The following SUGCT variants were observed in gnomAD, a reference collection of about 807,000 sequenced individuals.
The protein encoded by SUGCT is succinyl-CoA:glutarate CoA-transferase.
A neutral mutation model predicts 55.0 loss-of-function variants in SUGCT; 41 were observed. That is an observed-to-expected ratio of 0.74 (90% confidence interval 0.58 to 0.97). The LOEUF is 0.97. SUGCT is among the 50% of genes least tolerant of loss of function. The probability of loss-of-function intolerance (pLI) is 0.00; values close to 1 mark genes in which losing one functional copy is unlikely to be tolerated. For synonymous variants in SUGCT, 187 were observed against 200.4 expected (o/e 0.93, Z 0.56); for missense variants, 568 against 547.8 (o/e 1.04, Z -0.37).
rs112970972 is a variant in SUGCT, at chr7:40,170,132, A to G, written c.101-10815A>G. 5.5e-3 allele frequency among the ~76,000 whole-genome samples: 833 copies of G among 152,226 alleles called. 11 individuals carry two copies. The highest frequency in any genetic ancestry group is 0.018 in the African/African-American group (765 of 41,530). On this transcript the variant is annotated intron_variant, in intron 1 of 13. Coordinates refer to ENST00000335693, the MANE Select transcript of SUGCT (RefSeq NM_001193313.2). ...CTCCATGTTCTGATTCTGTGTCCCA[A>G]TGAGGGTCTACAGTGGGAACTGCCT...
chr7:40,240,820 C>T (rs1789331605), intron 7 of SUGCT, among the ~76,000 whole-genome samples: 1 of 152,158 alleles, frequency 6.6e-6, no homozygotes, highest in Non-Finnish European at 1.5e-5. Flanking sequence ...CGCGGTGGAG[C>T]CCAAGTTTAT....
At chr7:40,282,447 G>A (rs1336610069) in intron 8 of SUGCT, among the ~76,000 whole-genome samples, 3 of 151,948 alleles carry the variant, frequency 2.0e-5, no homozygotes, top group Non-Finnish European at 2.9e-5. Flanking sequence ...TAGCCTGGGT[G>A]ACAGAGCTAG....
chr7:40,702,664 T>C (rs1216480778), intron 12 of SUGCT, among the ~76,000 whole-genome samples: 2 of 152,354 alleles, frequency 1.3e-5, no homozygotes, highest in South Asian at 2.1e-4. Flanking sequence ...TTCAGTTTCA[T>C]AGTGATCCAT....
chr7:40,592,423 T>A (rs952341141), intron 12 of SUGCT, among the ~76,000 whole-genome samples: 1 of 152,176 alleles, frequency 6.6e-6, no homozygotes, highest in African/African-American at 2.4e-5. Context: ...CGGTTGACTG[T>A]CTGGGTCTGC....
intron 9 of SUGCT, among the ~76,000 whole-genome samples, chr7:40,318,057 T>A (rs1795532167): frequency 6.6e-6 from 1 of 152,242 alleles, no homozygotes; most frequent in South Asian, 2.1e-4. Context: ...CCTATACTTC[T>A]AACCAGACCT....
At chr7:40,200,663 CA>C (rs1786539470) in intron 6 of SUGCT, among the ~76,000 whole-genome samples, 1 of 151,900 alleles carries the variant, frequency 6.6e-6, no homozygotes, top group Non-Finnish European at 1.5e-5. Context: ...GGGGCCATGA[CA>C]TGCTAGGATG....
intron 7 of SUGCT, among the ~76,000 whole-genome samples, chr7:40,261,525 C>T (rs1225398106): frequency 2.6e-5 from 4 of 152,108 alleles, no homozygotes; most frequent in African/African-American, 4.8e-5. Context: ...TAGACAAACA[C>T]GGAGGAAACA....
chr7:40,758,999 G>GA (rs1160042576), intron 13 of SUGCT, among the ~76,000 whole-genome samples: 2 of 152,050 alleles, frequency 1.3e-5, no homozygotes, highest in East Asian at 3.9e-4. Flanking sequence ...AATTAAAAAT[G>GA]AAAAAAATTA....
At chr7:40,153,328 T>C (rs1430759886) in intron 1 of SUGCT, 3 of 364,420 alleles carry the variant, frequency 8.2e-6, no homozygotes, top group African/African-American at 6.6e-5. Context: ...AGGAGAGAAA[T>C]ACTGCTTTCC....
At chr7:40,275,685 A>T (rs547135162) in intron 8 of SUGCT, among the ~76,000 whole-genome samples, 22 of 152,148 alleles carry the variant, frequency 1.4e-4, no homozygotes, top group Admixed American at 7.2e-4. Context: ...GAAAATAAAG[A>T]TACACTTTTT....
At chr7:40,947,885 G>A in the SUGCT span, among the ~76,000 whole-genome samples, 4 of 152,252 alleles carry the variant, frequency 2.6e-5, no homozygotes, top group South Asian at 2.1e-4. Context: ...CTTATTGTTT[G>A]TGCAGAACCC....
At chr7:40,236,914 AC>A (rs1789053015) in intron 6 of SUGCT, among the ~76,000 whole-genome samples, 1 of 151,852 alleles carries the variant, frequency 6.6e-6, no homozygotes, top group African/African-American at 2.4e-5. Context: ...GCTCAATGCA[AC>A]CTCCACCTCC....
chr7:40,560,848 T>C (rs1285785293), intron 12 of SUGCT, among the ~76,000 whole-genome samples: 1 of 152,248 alleles, frequency 6.6e-6, no homozygotes, highest in Non-Finnish European at 1.5e-5. Context: ...TGTTTCTTAA[T>C]TAGTGTTTGC....
chr7:40,938,884 T>G, the SUGCT span, among the ~76,000 whole-genome samples: 4 of 152,230 alleles, frequency 2.6e-5, no homozygotes, highest in Non-Finnish European at 5.9e-5. Context: ...TATTCCATGA[T>G]GTCTATATAC....
chr7:40,899,116 G>A, the SUGCT span, among the ~76,000 whole-genome samples: 1 of 152,088 alleles, frequency 6.6e-6, no homozygotes, highest in Non-Finnish European at 1.5e-5. Flanking sequence ...CTGATAGGAG[G>A]GAAGGAGTGA....
intron 13 of SUGCT, among the ~76,000 whole-genome samples, chr7:40,799,356 C>A (rs988379333): frequency 6.6e-6 from 1 of 152,132 alleles, no homozygotes; most frequent in African/African-American, 2.4e-5. Flanking sequence ...GAATAGCATA[C>A]TCCTTTTGAA....
the SUGCT span, among the ~76,000 whole-genome samples, chr7:40,976,838 TCTAA>T: frequency 1.3e-5 from 2 of 152,184 alleles, no homozygotes; most frequent in African/African-American, 2.4e-5. Context: ...ACACTACCTC[TCTAA>T]CAGGCTGTTC....
chr7:40,374,459 A>T (rs190250468), intron 9 of SUGCT, among the ~76,000 whole-genome samples: 180 of 152,220 alleles, frequency 1.2e-3, no homozygotes, highest in African/African-American at 4.1e-3. Flanking sequence ...TCAAGTGGGG[A>T]CACAGTCAAG....
At chr7:40,147,408 C>A (rs184476602) in intron 1 of SUGCT, among the ~76,000 whole-genome samples, 143 of 152,294 alleles carry the variant, frequency 9.4e-4, no homozygotes, top group East Asian at 8.3e-3. Context: ...TCCAAGCATC[C>A]CGACTAAGGA....
Sources: gnomAD v4.1 joint callset for allele counts (sites outside exome capture counted in the v4.1 genomes callset) on GRCh38, gnomAD v4.1.1 for gene constraint, MANE v1.5 for transcripts, NCBI Gene and HGNC (gene_info 2026-07-23, HGNC 2026-07-21) for gene names.